LMBRD2: variants seen among roughly 807,000 people sequenced by gnomAD.
LMBRD2 encodes G protein-coupled receptor-associated protein LMBRD2.
Under a neutral mutation model 94.4 loss-of-function variants are expected in LMBRD2, and 55 were observed. That is an observed-to-expected ratio of 0.58 (90% CI 0.47 to 0.73). LMBRD2 has a LOEUF of 0.73. Ranked by LOEUF, LMBRD2 falls within the 30% of genes least tolerant of loss-of-function variation. The pLI, the probability that LMBRD2 is intolerant of heterozygous loss-of-function variation, is 0.00. For synonymous variants in LMBRD2, 246 were observed against 272.4 expected (o/e 0.90, Z 0.95); for missense variants, 640 against 831.9 (o/e 0.77, Z 2.84).
At chr5:36,113,194 T>A (rs1743655025) in intron 13 of LMBRD2, among the ~76,000 whole-genome samples, 2 of 152,180 alleles carry the variant, frequency 1.3e-5, no homozygotes, top group Admixed American at 1.3e-4. Flanking sequence ...GTGTTATCTA[T>A]AAATTTCAGA....
intron 16 of LMBRD2, among the ~76,000 whole-genome samples, chr5:36,106,641 C>T (rs1258440005): frequency 3.3e-5 from 5 of 151,496 alleles, no homozygotes; most frequent in Non-Finnish European, 7.4e-5. Context: ...TCCTGAGTAG[C>T]TGGGATTACA....
At chr5:36,127,091 A>C (rs998968034) in intron 6 of LMBRD2, among the ~76,000 whole-genome samples, 1 of 152,252 alleles carries the variant, frequency 6.6e-6, no homozygotes, top group Non-Finnish European at 1.5e-5. Context: ...ATAAACTGTA[A>C]GGGACTCTGT....
intron 1 of LMBRD2, among the ~76,000 whole-genome samples, chr5:36,147,293 T>TG (rs1329243949): frequency 2.6e-5 from 4 of 152,174 alleles, no homozygotes; most frequent in Non-Finnish European, 5.9e-5. Context: ...GTCCATATCT[T>TG]TAACCTTGTG....
At position 36,109,979 on chromosome 5, in the gene LMBRD2, C is replaced by T. The variant is rs1743565606; in HGVS notation, c.1757G>A (p.Arg586Lys). 2.5e-6 allele frequency: 4 copies of T among 1,607,756 alleles called. No individual in the cohort carries two copies. The highest frequency in any genetic ancestry group is 3.4e-6 in the Non-Finnish European group (4 of 1,175,294). Reference sequence around the variant, plus strand: ...ATTTTCACCTTCTTCTTGCCTTTGCCTTTTTCTCTTCTCTAAAGACAGAAA... The same window carrying T: ...ATTTTCACCTTCTTCTTGCCTTTGCTTTTTTCTCTTCTCTAAAGACAGAAA... ...KELIRKEKRK[R>K]QRQEEGENRR... The change falls in exon 15 of 18, where the codon AGG becomes AAG. Residue 586 changes from arginine (R) to lysine (K), a missense_variant. Coordinates refer to ENST00000296603, the MANE Select transcript of LMBRD2 (RefSeq NM_001007527.2).
chr5:36,141,011 A>C (rs1439476791), intron 4 of LMBRD2, 96 bp downstream of exon 4: 6 of 670,130 alleles, frequency 9.0e-6, no homozygotes, highest in Non-Finnish European at 1.6e-5. Context: ...TTCAGAATGC[A>C]TATGACACAT....
intron 10 of LMBRD2, among the ~76,000 whole-genome samples, chr5:36,116,837 C>T (rs994228308): frequency 1.3e-5 from 2 of 152,128 alleles, no homozygotes; most frequent in South Asian, 2.1e-4. Flanking sequence ...CCACCACGCC[C>T]GGCTAATTTT....
Position 36,114,990 on chromosome 5 carries a change from AATTCT to A in LMBRD2, c.1542+20_1542+24del. The A allele has an allele frequency of 7.1e-7, 1 of 1,411,278 alleles. No homozygotes were observed. Among genetic ancestry groups the A allele is most frequent in the Non-Finnish European group, 1.0e-6 (1 of 1,002,160 alleles). The allele number at this position is 1,411,278 out of a possible 1,614,324, so 87.4% of individuals were successfully genotyped here. A position where few individuals can be genotyped will look rare whatever the true frequency, so the allele number is the denominator to read the frequency against. On this transcript the variant is annotated intron_variant, in intron 12 of 17. Transcript: ENST00000296603. Reference sequence around the variant, plus strand: ...CCTCATATAGATAGTGAACCTAAGGAATTCTATTTTCTGACCGTACTTACAGATGT... The same window carrying A: ...CCTCATATAGATAGTGAACCTAAGGAATTTTCTGACCGTACTTACAGATGT...
chr5:36,145,479 G>A (rs1323800051), intron 1 of LMBRD2, among the ~76,000 whole-genome samples: 1 of 152,228 alleles, frequency 6.6e-6, no homozygotes. Context: ...ACCTGCCTCA[G>A]CTCCCAAAGT....
chr5:36,141,267 T>C, intron 3 of LMBRD2, 65 bp from the exon 4 acceptor site: 1 of 911,120 alleles, frequency 1.1e-6, no homozygotes, highest in Non-Finnish European at 1.8e-6. Context: ...ATACAATTAA[T>C]TTGCATGTGG....
rs1345836351 is a variant in LMBRD2, at chr5:36,100,541, G to C, written c.*3505C>G. 6.6e-6 allele frequency: 1 copy of C among 151,910 alleles called. No individual in the cohort carries two copies. The highest frequency in any genetic ancestry group is 2.4e-5 in the African/African-American group (1 of 41,384). The allele number at this position is 151,910 out of a possible 1,614,324, so 9.4% of individuals were successfully genotyped here. A position where few individuals can be genotyped will look rare whatever the true frequency, so the allele number is the denominator to read the frequency against. On this transcript the variant is annotated 3_prime_UTR_variant, in exon 18 of 18. Transcript: ENST00000296603. ...AACATAGGCCTCAGAAAGGAAGAAA[G>C]GTATAAAGGAATGAGAGAGGACATA...
intron 4 of LMBRD2, among the ~76,000 whole-genome samples, chr5:36,138,286 G>T (rs1287012582): frequency 6.6e-6 from 1 of 152,184 alleles, no homozygotes; most frequent in Non-Finnish European, 1.5e-5. Context: ...AGCAAGTGGA[G>T]ATATCAAATA....
At chr5:36,113,244 CT>C (rs1486513944) in intron 13 of LMBRD2, among the ~76,000 whole-genome samples, 2 of 152,144 alleles carry the variant, frequency 1.3e-5, no homozygotes, top group Admixed American at 6.5e-5. Flanking sequence ...CTGTCCTGTT[CT>C]GTTCCGATCT....
chr5:36,112,362 AAGTATC>A (rs1743631800), intron 13 of LMBRD2, among the ~76,000 whole-genome samples: 1 of 152,126 alleles, frequency 6.6e-6, no homozygotes, highest in Non-Finnish European at 1.5e-5. Flanking sequence ...TCTTTGTCTG[AAGTATC>A]AGGAAACAAC....
chr5:36,146,593 A>C (rs991500584), intron 1 of LMBRD2, among the ~76,000 whole-genome samples: 1 of 152,046 alleles, frequency 6.6e-6, no homozygotes, highest in Non-Finnish European at 1.5e-5. Context: ...CCCAGGCTGG[A>C]CTCAAATACC....
Position 36,105,232 on chromosome 5 carries a change from A to C in LMBRD2, c.1898-35T>G, listed in dbSNP as rs769881467. 3.1e-6 allele frequency: 5 copies of C among 1,604,460 alleles called. No individual in the cohort carries two copies. The East Asian group carries it at 1.1e-4, about 36-fold the overall frequency. On this transcript the variant is annotated intron_variant, in intron 16 of 17. Transcript: ENST00000296603. ...AAGGGGGAAAAATGTCTACTTCCCTACTGTCTTTTAACTTATGGGTCACAG... is the reference window on the plus strand; with the variant it reads ...AAGGGGGAAAAATGTCTACTTCCCTCCTGTCTTTTAACTTATGGGTCACAG...
At chr5:36,105,367 T>C (rs1743441968) in intron 16 of LMBRD2, among the ~76,000 whole-genome samples, 170 bp from the exon 17 acceptor site, 1 of 152,110 alleles carries the variant, frequency 6.6e-6, no homozygotes, top group African/African-American at 2.4e-5. Flanking sequence ...TTATAAGCAG[T>C]ATAATAGAAT....
Position 36,122,963 on chromosome 5 carries a change from T to TAAA in LMBRD2, c.823-5_823-3dup, listed in dbSNP as rs141044130. On this transcript the variant is annotated splice_region_variant and splice_polypyrimidine_tract_variant and intron_variant, in intron 7 of 17. Coordinates refer to ENST00000296603, the MANE Select transcript of LMBRD2 (RefSeq NM_001007527.2). The stretch of plus-strand genomic sequence containing the variant: ...TTTTTCCTGATACTCTGTAGGGCAC[T>TAAA]AAAAAAAAAAAAAAGTAGATTTTTA... 45 of 1,346,028 alleles carry TAAA rather than the reference T, an allele frequency of 3.3e-5. No individual in the cohort carries two copies. Among genetic ancestry groups the TAAA allele is most frequent in the South Asian group, 1.4e-4 (8 of 57,878 alleles). The allele number at this position is 1,346,028 out of a possible 1,614,324, so 83.4% of individuals were successfully genotyped here. A position where few individuals can be genotyped will look rare whatever the true frequency, so the allele number is the denominator to read the frequency against.
At chr5:36,105,816 C>A (rs182965767) in intron 16 of LMBRD2, among the ~76,000 whole-genome samples, 1 of 152,112 alleles carries the variant, frequency 6.6e-6, no homozygotes, top group Non-Finnish European at 1.5e-5. Context: ...TAATGATTAT[C>A]ATACCAGACA....
chr5:36,129,162 TA>T (rs1425154090), intron 6 of LMBRD2, among the ~76,000 whole-genome samples: 1 of 151,390 alleles, frequency 6.6e-6, no homozygotes, highest in Non-Finnish European at 1.5e-5. Flanking sequence ...AAAGAGGAGG[TA>T]GAGTGAGAGA....
Sources: allele counts gnomAD v4.1 joint callset (sites outside exome capture counted in the v4.1 genomes callset), GRCh38; gene constraint gnomAD v4.1.1; transcripts MANE v1.5; gene names NCBI Gene and HGNC (gene_info 2026-07-23, HGNC 2026-07-21).